TRHDE: variants seen among roughly 807,000 people sequenced by gnomAD.
TRHDE encodes thyrotropin releasing hormone degrading enzyme.
TRHDE carries 72 observed loss-of-function variants against 125.7 expected under a neutral mutation model. The ratio of observed to expected loss-of-function variants is 0.57; its 90% CI spans 0.47 to 0.70. TRHDE has a LOEUF of 0.70. TRHDE is among the 30% of genes least tolerant of loss of function. The pLI, the probability that TRHDE is intolerant of heterozygous loss-of-function variation, is 0.00. For missense variants in TRHDE, 1,110 were observed against 1,327.1 expected, an observed-to-expected ratio of 0.84 and a Z score of 2.54; for synonymous variants, 509 against 509.1, an observed-to-expected ratio of 1.00 and a Z score of 0.00.
intron 12 of TRHDE, among the ~76,000 whole-genome samples, chr12:72,608,207 G>A (rs1565808487): frequency 6.6e-6 from 1 of 152,082 alleles, no homozygotes. Flanking sequence ...CATTATTTGA[G>A]TCCTTCACGC....
At chr12:72,270,161 A>G (rs1879163996), upstream of TRHDE, among the ~76,000 whole-genome samples, 1 of 152,284 alleles carries the variant, frequency 6.6e-6, no homozygotes, top group East Asian at 1.9e-4. Context: ...AACTCTTAAA[A>G]TGCATACAGC....
chr12:72,122,093 T>C (rs1875595756), intron 2 of TRHDE, among the ~76,000 whole-genome samples: 1 of 151,840 alleles, frequency 6.6e-6, no homozygotes, highest in African/African-American at 2.4e-5. Context: ...GAAATGAGGG[T>C]TCTAGTTTGT....
chr12:72,514,794 C>A lies in TRHDE; in HGVS notation c.1722+15159C>A, dbSNP rs573001089. Among the ~76,000 whole-genome samples, 8 of 111,104 alleles carry A rather than the reference C, an allele frequency of 7.2e-5. No homozygotes were observed. The South Asian group carries it at 1.2e-3, about 17-fold the overall frequency. The allele number at this position is 111,104 out of a possible 152,430, so 72.9% of individuals were successfully genotyped here. ...TAATGCTATCCCTCCCCCCTCCCCC[C>A]ACCCCAGAACAGTCCCCAGAGTGTG... On this transcript the variant is annotated intron_variant, in intron 6 of 18. Transcript: ENST00000261180.
chr12:72,286,593 T>C, intron 1 of TRHDE, 88 bp from the exon 2 acceptor site: 2 of 1,262,722 alleles, frequency 1.6e-6, no homozygotes, highest in South Asian at 2.9e-5. Context: ...TGGAATAATA[T>C]ATTATTTCAT....
intron 3 of TRHDE, among the ~76,000 whole-genome samples, chr12:72,397,516 C>G (rs946874023): frequency 6.6e-6 from 1 of 152,130 alleles, no homozygotes; most frequent in Non-Finnish European, 1.5e-5. Context: ...GCCTATGAGG[C>G]CCTCCACCAT....
chr12:72,152,521 T>C (rs1031086730), intron 2 of TRHDE, among the ~76,000 whole-genome samples: 1 of 152,198 alleles, frequency 6.6e-6, no homozygotes, highest in African/African-American at 2.4e-5. Flanking sequence ...CAGTATGATA[T>C]TGGCTGTGGA....
At chr12:72,475,790 ATAAT>A (rs1876863984) in intron 5 of TRHDE, among the ~76,000 whole-genome samples, 1 of 152,338 alleles carries the variant, frequency 6.6e-6, no homozygotes, top group African/African-American at 2.4e-5. Context: ...TAACAACAGA[ATAAT>A]TACGGTGTCA....
At chr12:72,483,281 T>G (rs1366848368) in intron 5 of TRHDE, among the ~76,000 whole-genome samples, 1 of 151,960 alleles carries the variant, frequency 6.6e-6, no homozygotes, top group Non-Finnish European at 1.5e-5. Flanking sequence ...TACTTTACAG[T>G]TAGCCAGAAT....
chr12:72,653,426 A>T (rs1874586938), intron 17 of TRHDE, among the ~76,000 whole-genome samples: 1 of 152,124 alleles, frequency 6.6e-6, no homozygotes, highest in African/African-American at 2.4e-5. Flanking sequence ...AAAATCTATC[A>T]GACTGTCCAA....
intron 2 of TRHDE, among the ~76,000 whole-genome samples, chr12:72,232,618 G>A (rs1237691530): frequency 2.6e-5 from 4 of 152,086 alleles, no homozygotes; most frequent in Non-Finnish European, 2.9e-5. Context: ...AAGGGTCTAG[G>A]TGGTGAGAAA....
intron 12 of TRHDE, among the ~76,000 whole-genome samples, chr12:72,603,107 A>C (rs545018228): frequency 1.8e-4 from 28 of 152,324 alleles, no homozygotes; most frequent in Non-Finnish European, 3.7e-4. Flanking sequence ...AGTTTGAAGA[A>C]AACATGCAAA....
rs186011407 is a variant in TRHDE at position 72,391,249 on chromosome 12, T to C, written c.1315+13128T>C. 1.2e-3 allele frequency among the ~76,000 whole-genome samples: 189 copies of C among 152,236 alleles called. 2 individuals are homozygous for C. The South Asian group carries it at 0.013, about 11-fold the overall frequency. The stretch of plus-strand genomic sequence containing the variant: ...AGTCTTTCATTACTGTTTTTGAGAA[T>C]TTTGATGCTGCTGCTCATATACTTT... On this transcript the variant is annotated intron_variant, in intron 3 of 18. Coordinates refer to ENST00000261180, the MANE Select transcript of TRHDE (RefSeq NM_013381.3).
intron 6 of TRHDE, among the ~76,000 whole-genome samples, chr12:72,516,028 T>C (rs1878840230): frequency 6.6e-6 from 1 of 151,216 alleles, no homozygotes; most frequent in Non-Finnish European, 1.5e-5. Flanking sequence ...AGTACCATGC[T>C]GTTTTGGTTA....
At chr12:72,483,156 A>G (rs1368627123) in intron 5 of TRHDE, among the ~76,000 whole-genome samples, 1 of 151,352 alleles carries the variant, frequency 6.6e-6, no homozygotes, top group African/African-American at 2.4e-5. Context: ...CTGGTTTCTC[A>G]GTCAGGGATG....
At chr12:72,178,607 A>G (rs1253347048) in intron 2 of TRHDE, among the ~76,000 whole-genome samples, 1 of 152,246 alleles carries the variant, frequency 6.6e-6, no homozygotes, top group African/African-American at 2.4e-5. Context: ...AAGAACATCA[A>G]AATAGAGGTA....
chr12:72,521,935 A>G (rs1247714621), intron 6 of TRHDE, among the ~76,000 whole-genome samples: 2 of 152,232 alleles, frequency 1.3e-5, no homozygotes, highest in Admixed American at 1.3e-4. Context: ...TGGTAGGGTT[A>G]GGGAAAAGTT....
chr12:72,656,730 C>A (rs530854467), intron 17 of TRHDE, among the ~76,000 whole-genome samples, 197 bp from the exon 18 acceptor site: 4 of 152,180 alleles, frequency 2.6e-5, no homozygotes, highest in South Asian at 4.1e-4. Flanking sequence ...TTAGGTGGGA[C>A]CTGATGATAT....
chr12:72,305,313 C>A (rs556712589), intron 2 of TRHDE, among the ~76,000 whole-genome samples: 19 of 152,220 alleles, frequency 1.2e-4, no homozygotes, highest in African/African-American at 4.3e-4. Context: ...CAAATTAATC[C>A]TCCCTGAAAA....
chr12:72,138,610 G>A (rs1876042959), intron 2 of TRHDE, among the ~76,000 whole-genome samples: 1 of 152,174 alleles, frequency 6.6e-6, no homozygotes, highest in African/African-American at 2.4e-5. Flanking sequence ...GTTCCAGCTT[G>A]GAAAACTGTC....
Sources: gnomAD v4.1 joint callset for allele counts (sites outside exome capture counted in the v4.1 genomes callset) on GRCh38, gnomAD v4.1.1 for gene constraint, MANE v1.5 for transcripts, NCBI Gene and HGNC (gene_info 2026-07-23, HGNC 2026-07-21) for gene names.